DIS3: variants seen among roughly 807,000 people sequenced by gnomAD.
The protein encoded by DIS3 is exosome complex exonuclease RRP44.
In DIS3, 103 loss-of-function variants were observed where a neutral mutation model predicts 113.0. The observed-to-expected ratio is 0.91, with a 90% CI of 0.78 to 1.07. DIS3 has a LOEUF of 1.07. DIS3 is among the 50% of genes least tolerant of loss of function. DIS3 has a pLI of 0.00. For missense variants in DIS3, 1,121 were observed against 1,167.1 expected, an observed-to-expected ratio of 0.96 and a Z score of 0.58; for synonymous variants, 402 against 394.3, an observed-to-expected ratio of 1.02 and a Z score of -0.23.
At position 72,768,888 on chromosome 13, in the gene DIS3, G is replaced by A. The variant is rs2138187457; in HGVS notation, c.1780C>T (p.Gln594Ter). ...SKASLTYAEA[Q>*]LRIDSANMND... ...ATGTTTGCTGAATCAATTCTCAACT[G>A]AGCTTCAGCATACGTCAGAGATGCC... Residue 594 changes from glutamine (Q) to a stop codon, truncating the protein, a stop_gained, in exon 14 of 21, where the codon CAG (glutamine) becomes TAG (stop). Coordinates refer to ENST00000377767, the MANE Select transcript of DIS3 (RefSeq NM_014953.5). LOFTEE classifies it high-confidence loss of function. 6.3e-7 allele frequency: 1 copy of A among 1,598,748 alleles called. No individual in the cohort carries two copies. The highest frequency in any genetic ancestry group is 1.7e-4 in the Middle Eastern group (1 of 5,976).
rs2033339592 is a variant in DIS3, at chr13:72,753,554, A to G, written c.*6241T>C. On this transcript the variant is annotated 3_prime_UTR_variant, in exon 21 of 21. Coordinates refer to ENST00000377767, the MANE Select transcript of DIS3 (RefSeq NM_014953.5). ...TTTTATATTTGTGCATTACTTTTGA[A>G]TTTTGTTCAACATGATCAATATTAC... 1 of 895,504 alleles carries G rather than the reference A, an allele frequency of 1.1e-6. No individual in the cohort carries two copies. Among genetic ancestry groups the G allele is most frequent in the Non-Finnish European group, 1.7e-6 (1 of 599,902 alleles). The allele number at this position is 895,504 out of a possible 1,614,324, so 55.5% of individuals were successfully genotyped here.
Position 72,761,671 on chromosome 13 carries a change from C to G in DIS3, c.2486G>C (p.Arg829Pro). ...FRHKMAQYAQRASVAFHTQLF... is the reference protein window; with the variant it reads ...FRHKMAQYAQPASVAFHTQLF... ...CTGGGTATGAAAAGCCACTGATGCACGTTGGGCATATTGAGCCATTTTGTG... is the reference window on the plus strand; with the variant it reads ...CTGGGTATGAAAAGCCACTGATGCAGGTTGGGCATATTGAGCCATTTTGTG... The change falls in exon 18 of 21, where the codon CGT becomes CCT. Residue 829 changes from arginine to proline, a missense_variant. Arg to Pro is a moderately radical substitution (Grantham distance 103). Transcript: ENST00000377767. The G allele has an allele frequency of 1.2e-6, 2 of 1,610,820 alleles. No individual in the cohort carries two copies. The highest frequency in any genetic ancestry group is 1.7e-6 in the Non-Finnish European group (2 of 1,179,170).
At chr13:72,760,911 T>C (rs1304451304) in intron 19 of DIS3, among the ~76,000 whole-genome samples, 2 of 152,120 alleles carry the variant, frequency 1.3e-5, no homozygotes, top group Non-Finnish European at 2.9e-5. Flanking sequence ...ACCCCACTAA[T>C]AAATAGGAAA....
intron 15 of DIS3, among the ~76,000 whole-genome samples, chr13:72,765,460 G>A (rs1197207208): frequency 6.6e-6 from 1 of 152,050 alleles, no homozygotes; most frequent in Admixed American, 6.5e-5. Flanking sequence ...ACTCTTCTAT[G>A]CGACAAGGGG....
intron 15 of DIS3, among the ~76,000 whole-genome samples, chr13:72,764,897 A>G (rs1478009897): frequency 6.6e-6 from 1 of 152,142 alleles, no homozygotes; most frequent in East Asian, 1.9e-4. Flanking sequence ...AGCTCTTAGT[A>G]CTGGGCTCAT....
intron 2 of DIS3, among the ~76,000 whole-genome samples, chr13:72,780,325 CAAAAAAAAAAAA>C (rs397851597): frequency 5.4e-5 from 3 of 55,384 alleles, no homozygotes; most frequent in East Asian, 6.2e-4. Context: ...GACTCCATCT[CAAAAAAAAAAAA>C]AAAAAAAAAA....
intron 13 of DIS3, among the ~76,000 whole-genome samples, chr13:72,770,697 T>A (rs754822759): frequency 2.6e-5 from 4 of 152,188 alleles, no homozygotes; most frequent in Admixed American, 2.0e-4. Flanking sequence ...TATGTTTATA[T>A]CTCAGGTACT....
chr13:72,770,320 C>G (rs1035715234), intron 13 of DIS3, among the ~76,000 whole-genome samples: 2 of 152,060 alleles, frequency 1.3e-5, no homozygotes, highest in African/African-American at 4.8e-5. Flanking sequence ...TAACAGTGCC[C>G]CCATTCTATC....
chr13:72,766,733 T>C (rs2033759175), intron 14 of DIS3, among the ~76,000 whole-genome samples: 1 of 152,156 alleles, frequency 6.6e-6, no homozygotes, highest in African/African-American at 2.4e-5. Context: ...CTAATGTTTC[T>C]TACACCTTGA....
chr13:72,767,576 G>C (rs974179066), intron 14 of DIS3, among the ~76,000 whole-genome samples: 1 of 152,060 alleles, frequency 6.6e-6, no homozygotes, highest in African/African-American at 2.4e-5. Context: ...GGTGTTAGTA[G>C]ACATAGGTAC....
chr13:72,781,111 C>A, intron 1 of DIS3, 108 bp from the exon 2 acceptor site: 1 of 1,364,072 alleles, frequency 7.3e-7, no homozygotes, highest in Non-Finnish European at 1.0e-6. Context: ...TTTAAAAACA[C>A]TGAATAAGTT....
chr13:72,779,452 T>C (rs184948508), intron 2 of DIS3, among the ~76,000 whole-genome samples: 3 of 152,220 alleles, frequency 2.0e-5, no homozygotes, highest in African/African-American at 7.2e-5. Flanking sequence ...AAAGACACAG[T>C]CATAAATTTT....
rs1159753432 is a variant in DIS3, at chr13:72,762,101, C to A, written c.2164G>T (p.Ala722Ser). 2 of 1,613,912 alleles carry A rather than the reference C, an allele frequency of 1.2e-6. No homozygotes were observed. Among genetic ancestry groups the A allele is most frequent in the South Asian group, 1.1e-5 (1 of 91,078 alleles). The change falls in exon 17 of 21, where the codon GCT becomes TCT. Residue 722 changes from alanine to serine, a missense_variant. Physicochemically the swap from Ala to Ser is moderately conservative, Grantham distance 99 (BLOSUM62 1). Coordinates refer to ENST00000377767, the MANE Select transcript of DIS3 (RefSeq NM_014953.5). ...EIKTDTAKSL[A>S]ESLDQAESPT... Reference sequence around the variant, plus strand: ...GATTCGGCCTGATCCAAAGACTCAGCCAAAGACTTGGCTGTATCAGTCTTA... The same window carrying A: ...GATTCGGCCTGATCCAAAGACTCAGACAAAGACTTGGCTGTATCAGTCTTA...
Position 72,759,086 on chromosome 13 carries a change from G to A in DIS3, c.*709C>T. On this transcript the variant is annotated 3_prime_UTR_variant, in exon 21 of 21. Transcript: ENST00000377767. The stretch of plus-strand genomic sequence containing the variant: ...CTGTTTTTTATTTTGTAAGTAACAA[G>A]ATATAGACATTTGAATGCCAATGTC... 1 of 179,902 alleles carries A rather than the reference G, an allele frequency of 5.6e-6. No homozygotes were observed. The highest frequency in any genetic ancestry group is 1.2e-5 in the Non-Finnish European group (1 of 84,108). 11.1% of individuals were successfully genotyped at this position (179,902 alleles called of 1,614,324 possible). A position where few individuals can be genotyped will look rare whatever the true frequency, so the allele number is the denominator to read the frequency against.
chr13:72,771,988 A>T, intron 10 of DIS3, 92 bp from the exon 11 acceptor site: 1 of 1,420,236 alleles, frequency 7.0e-7, no homozygotes, highest in East Asian at 2.3e-5. Flanking sequence ...AGCTAAATTT[A>T]AAAAAGACTC....
chr13:72,778,841 T>C (rs1167130378), intron 2 of DIS3, among the ~76,000 whole-genome samples: 1 of 152,178 alleles, frequency 6.6e-6, no homozygotes, highest in Non-Finnish European at 1.5e-5. Flanking sequence ...ATAATGCATA[T>C]AAATTATCCA....
At position 72,761,417 on chromosome 13, in the gene DIS3, T is replaced by C. The variant is rs144722921; in HGVS notation, c.2616A>G (p.Thr872=). The C allele has an allele frequency of 5.5e-5, 89 of 1,611,216 alleles. No individual in the cohort carries two copies. The African/African-American group carries it at 1.1e-3, about 20-fold the overall frequency. Residue 872 remains threonine, a synonymous_variant, in exon 19 of 21, where the codon ACA becomes ACG. Coordinates refer to ENST00000377767, the MANE Select transcript of DIS3 (RefSeq NM_014953.5). The part of the protein sequence containing the change: ...VLIPKYGLEG[T]VFFEEKDKPN... ...GTTTGTCCTTTTCTTCAAAAAAGAC[T>C]GTCCCTTCTAAACCATACTTTGGAA...
chr13:72,779,703 T>G (rs112197394), intron 2 of DIS3, among the ~76,000 whole-genome samples: 8 of 151,754 alleles, frequency 5.3e-5, no homozygotes, highest in African/African-American at 1.7e-4. Context: ...TGGTTCTCAA[T>G]TGAGTGAATT....
chr13:72,763,565 A>G lies in DIS3; in HGVS notation c.2013T>C (p.Asn671=), dbSNP rs1163975520. Residue 671 remains asparagine, a synonymous_variant, in exon 16 of 21, where the codon AAT becomes AAC. Transcript: ENST00000377767. ...SMVEEFMLLA[N]ISVAKKIHEE... is the part of the protein sequence containing the mutation. ...CATGAATTTTTTTTGCAACAGAAAT[A>G]TTGGCAAGTAACATAAATTCTTCAA... 1.2e-6 allele frequency: 2 copies of G among 1,613,594 alleles called. No homozygotes were observed. The highest frequency in any genetic ancestry group is 1.7e-5 in the Admixed American group (1 of 59,906).
Sources: allele counts gnomAD v4.1 joint callset (sites outside exome capture counted in the v4.1 genomes callset), GRCh38; gene constraint gnomAD v4.1.1; transcripts MANE v1.5; gene names NCBI Gene and HGNC (gene_info 2026-07-23, HGNC 2026-07-21).